The following BTBD9 variants were observed in gnomAD, a reference collection of about 807,000 sequenced individuals.
The protein encoded by BTBD9 is BTB domain containing 9, also known as BTB/POZ domain-containing protein 9.
In BTBD9, 49 loss-of-function variants were observed where a neutral mutation model predicts 64.3. The observed-to-expected ratio is 0.76, with a 90% CI of 0.61 to 0.97. The LOEUF (loss-of-function observed/expected upper bound fraction) is 0.97. BTBD9 is among the 50% of genes least tolerant of loss of function. The pLI is 0.00. For synonymous variants in BTBD9, 260 were observed against 274.7 expected (o/e 0.95, Z 0.53); for missense variants, 598 against 762.1 (o/e 0.78, Z 2.53).
intron 4 of BTBD9, chr6:38,587,910 C>T: frequency 1.4e-6 from 1 of 722,032 alleles, no homozygotes; most frequent in South Asian, 1.4e-5. Flanking sequence ...GATCAGGTTT[C>T]AGGGCAACCC....
At chr6:38,450,198 G>A (rs546681126) in intron 6 of BTBD9, among the ~76,000 whole-genome samples, 2 of 152,212 alleles carry the variant, frequency 1.3e-5, no homozygotes, top group Non-Finnish European at 2.9e-5. Context: ...CTCATATGTG[G>A]AATCTAAAAA....
chr6:38,350,093 A>G (rs979452222), intron 6 of BTBD9, among the ~76,000 whole-genome samples: 8 of 152,208 alleles, frequency 5.3e-5, no homozygotes, highest in African/African-American at 1.2e-4. Context: ...CCAGCTAACC[A>G]TACCCAGTGA....
intron 9 of BTBD9, among the ~76,000 whole-genome samples, chr6:38,224,205 T>A (rs534060171): frequency 7.8e-4 from 119 of 152,124 alleles, no homozygotes; most frequent in African/African-American, 2.7e-3. Context: ...AGAGCAAGAC[T>A]CTGTCTCAAA....
chr6:38,510,236 A>C (rs1234092902), intron 6 of BTBD9, among the ~76,000 whole-genome samples: 1 of 152,260 alleles, frequency 6.6e-6, no homozygotes, highest in Non-Finnish European at 1.5e-5. Flanking sequence ...CCAAGGCTAG[A>C]TGGTATAGCC....
chr6:38,329,797 C>CA (rs1265678727), intron 7 of BTBD9, among the ~76,000 whole-genome samples: 1 of 151,854 alleles, frequency 6.6e-6, no homozygotes, highest in Non-Finnish European at 1.5e-5. Flanking sequence ...ACTAAAAATA[C>CA]AAAAAACTAG....
At chr6:38,425,084 C>T (rs996153342) in intron 6 of BTBD9, among the ~76,000 whole-genome samples, 10 of 145,396 alleles carry the variant, frequency 6.9e-5, no homozygotes, top group South Asian at 4.4e-4. Flanking sequence ...CCAAAGTGCT[C>T]GGATTACAGG....
chr6:38,490,104 C>A (rs1267488948), intron 6 of BTBD9, among the ~76,000 whole-genome samples: 2 of 152,144 alleles, frequency 1.3e-5, no homozygotes, highest in Non-Finnish European at 2.9e-5. Flanking sequence ...ATCTGCACAG[C>A]CTGCAGAGGT....
chr6:38,510,577 CTT>C (rs554991471), intron 6 of BTBD9, among the ~76,000 whole-genome samples: 47 of 152,286 alleles, frequency 3.1e-4, no homozygotes, highest in Middle Eastern at 3.4e-3. Context: ...GCTTTATAAA[CTT>C]TTAATTTTTA....
At chr6:38,278,913 CA>C (rs1336169966) in intron 8 of BTBD9, among the ~76,000 whole-genome samples, 10 of 152,096 alleles carry the variant, frequency 6.6e-5, no homozygotes, top group African/African-American at 2.4e-4. Context: ...AAAGAAAATC[CA>C]GGGAGAAGTA....
At chr6:38,291,070 G>A (rs953916922) in intron 7 of BTBD9, among the ~76,000 whole-genome samples, 3 of 152,216 alleles carry the variant, frequency 2.0e-5, no homozygotes, top group Middle Eastern at 3.4e-3. Context: ...TTTCTTAAAG[G>A]AATACTTGAG....
chr6:38,344,027 C>T (rs891187355), intron 7 of BTBD9, among the ~76,000 whole-genome samples: 1 of 152,162 alleles, frequency 6.6e-6, no homozygotes, highest in Non-Finnish European at 1.5e-5. Flanking sequence ...ACATGAGTCC[C>T]TTTGTAAAGG....
chr6:38,602,628 T>C (rs993738913), intron 1 of BTBD9, among the ~76,000 whole-genome samples: 1 of 152,062 alleles, frequency 6.6e-6, no homozygotes, highest in African/African-American at 2.4e-5. Context: ...ATAATGTTTA[T>C]TTGTAGTAAA....
chr6:38,383,959 T>C (rs1582335825), intron 6 of BTBD9, among the ~76,000 whole-genome samples: 1 of 152,054 alleles, frequency 6.6e-6, no homozygotes. Flanking sequence ...GCCTTTTGTA[T>C]TGGATAGCTG....
chr6:38,436,372 A>ATTTTTTTTTTT (rs10647439), intron 6 of BTBD9, among the ~76,000 whole-genome samples: 1 of 118,324 alleles, frequency 8.5e-6, no homozygotes, highest in Non-Finnish European at 1.7e-5. Context: ...CCCCAATTCT[A>ATTTTTTTTTTT]TTTTTTTTTT....
intron 6 of BTBD9, among the ~76,000 whole-genome samples, chr6:38,533,475 G>A (rs927500158): frequency 3.3e-5 from 5 of 152,022 alleles, no homozygotes; most frequent in Middle Eastern, 3.4e-3. Context: ...TCAACACCCC[G>A]CATCCAACAA....
At chr6:38,507,069 T>A (rs999020110) in intron 6 of BTBD9, among the ~76,000 whole-genome samples, 1 of 152,220 alleles carries the variant, frequency 6.6e-6, no homozygotes, top group African/African-American at 2.4e-5. Flanking sequence ...TCTTCTCACC[T>A]GTCTCCTTCA....
chr6:38,259,340 A>T (rs1383346611), intron 8 of BTBD9, among the ~76,000 whole-genome samples: 1 of 152,168 alleles, frequency 6.6e-6, no homozygotes, highest in Non-Finnish European at 1.5e-5. Flanking sequence ...ATCACATATA[A>T]AGCTATTACT....
At chr6:38,175,675 C>T (rs1277792281) in intron 10 of BTBD9, among the ~76,000 whole-genome samples, 1 of 152,122 alleles carries the variant, frequency 6.6e-6, no homozygotes, top group East Asian at 1.9e-4. Flanking sequence ...GGTTTTCTCC[C>T]GCGTCCCAAA....
chr6:38,173,458 T>G lies in BTBD9; in HGVS notation c.*1527A>C, dbSNP rs1581989903. 6.6e-6 allele frequency: 1 copy of G among 152,380 alleles called. No homozygotes were observed. Among genetic ancestry groups the G allele is most frequent in the Non-Finnish European group, 1.5e-5 (1 of 68,052 alleles). 9.4% of individuals were successfully genotyped at this position (152,380 alleles called of 1,614,324 possible). A position where few individuals can be genotyped will look rare whatever the true frequency, so the allele number is the denominator to read the frequency against. ...CAGGAACGTGTCCACCCTGCCCCGG[T>G]AGCCCTCTGATGTCTGCCATCCTGT... On this transcript the variant is annotated 3_prime_UTR_variant, in exon 11 of 11. Transcript: ENST00000481247.
Sources: allele counts gnomAD v4.1 joint callset (sites outside exome capture counted in the v4.1 genomes callset), GRCh38; gene constraint gnomAD v4.1.1; transcripts MANE v1.5; gene names NCBI Gene and HGNC (gene_info 2026-07-23, HGNC 2026-07-21).